MEI4: variants seen among roughly 807,000 people sequenced by gnomAD.
The protein encoded by MEI4 is meiosis-specific protein MEI4.
Under a neutral mutation model 31.4 loss-of-function variants are expected in MEI4, and 27 were observed. The ratio of observed to expected loss-of-function variants is 0.86; its 90% CI spans 0.63 to 1.19. MEI4 has a LOEUF of 1.19. Among genes scored for constraint, MEI4 ranks in the 50% most tolerant of loss-of-function variants. The pLI is 0.00. For synonymous variants in MEI4, 122 were observed against 145.4 expected (o/e 0.84, Z 1.16); for missense variants, 329 against 398.9 (o/e 0.82, Z 1.49).
At chr6:77,918,495 G>T (rs1323634512) in intron 4 of MEI4, among the ~76,000 whole-genome samples, 3 of 136,738 alleles carry the variant, frequency 2.2e-5, no homozygotes, top group Non-Finnish European at 3.1e-5. Context: ...TCCCTTGTAA[G>T]TTGGATTCCT....
chr6:77,764,544 G>A (rs1274157318), intron 3 of MEI4, among the ~76,000 whole-genome samples: 1 of 151,934 alleles, frequency 6.6e-6, no homozygotes, highest in East Asian at 1.9e-4. Flanking sequence ...ATAATGGATG[G>A]AACATCCAGA....
intron 1 of MEI4, among the ~76,000 whole-genome samples, chr6:77,684,809 C>G (rs933962439): frequency 6.6e-6 from 1 of 152,102 alleles, no homozygotes. Flanking sequence ...AGTGCTACAA[C>G]ACGTACAGTG....
chr6:77,686,875 C>CTTTTTTTTTT (rs70974681), intron 1 of MEI4, among the ~76,000 whole-genome samples: 3 of 132,474 alleles, frequency 2.3e-5, no homozygotes, highest in Admixed American at 7.9e-5. Flanking sequence ...GTCTGTGGCT[C>CTTTTTTTTTT]TTTTTTTTTG....
chr6:77,881,472 G>A (rs1554171753), intron 4 of MEI4, among the ~76,000 whole-genome samples: 1 of 152,146 alleles, frequency 6.6e-6, no homozygotes, highest in Non-Finnish European at 1.5e-5. Context: ...CTCATTCTAT[G>A]TTTTGAATAA....
chr6:77,910,639 T>G (rs1301840705), intron 4 of MEI4, among the ~76,000 whole-genome samples: 1 of 152,036 alleles, frequency 6.6e-6, no homozygotes, highest in African/African-American at 2.4e-5. Flanking sequence ...CCAAAGTAAT[T>G]TATAGATTCA....
At chr6:77,676,130 A>G (rs912304610) in intron 1 of MEI4, among the ~76,000 whole-genome samples, 1 of 152,114 alleles carries the variant, frequency 6.6e-6, no homozygotes, top group Non-Finnish European at 1.5e-5. Flanking sequence ...AACCATTTAC[A>G]TGGAAGTACA....
rs551799668 is a variant in MEI4 at position 77,770,494 on chromosome 6, C to CAA, written c.768+8838_768+8839dup. 1.4e-3 allele frequency among the ~76,000 whole-genome samples: 212 copies of CAA among 148,218 alleles called. 1 individual carries two copies. The highest frequency in any genetic ancestry group is 4.6e-3 in the African/African-American group (186 of 40,546). ...GTCAAAATACCAATCTTATTCTTCA[C>CAA]AAAAAAAAAATTAAAAATTACACAG... On this transcript the variant is annotated intron_variant, in intron 3 of 4. Transcript: ENST00000684080.
chr6:77,889,992 T>C (rs1370438510), intron 4 of MEI4, among the ~76,000 whole-genome samples: 1 of 152,182 alleles, frequency 6.6e-6, no homozygotes, highest in African/African-American at 2.4e-5. Context: ...TGTATGGAAA[T>C]GCTTGGATGT....
chr6:77,678,186 A>G (rs1768879721), intron 1 of MEI4, among the ~76,000 whole-genome samples: 1 of 152,220 alleles, frequency 6.6e-6, no homozygotes, highest in Non-Finnish European at 1.5e-5. Flanking sequence ...AGATAGCATG[A>G]CAAAAAAGAC....
chr6:77,887,541 C>G (rs1325117336), intron 4 of MEI4, among the ~76,000 whole-genome samples: 11 of 152,058 alleles, frequency 7.2e-5, no homozygotes, highest in African/African-American at 2.7e-4. Flanking sequence ...AGATGATCCA[C>G]CCCCCTCAGC....
rs1254367062 is a variant in MEI4, at chr6:77,717,021, CACAGAG to C, written c.232+26122_232+26127del. ...ACGAGAGATTTGGAAAAGAAAAAGACACAGAGACAAAGTATAGAGAAAGAAATAAGG... is the reference window on the plus strand; with the variant it reads ...ACGAGAGATTTGGAAAAGAAAAAGACACAAAGTATAGAGAAAGAAATAAGG... On this transcript the variant is annotated intron_variant, in intron 2 of 4. Transcript: ENST00000684080. 4.7e-5 allele frequency among the ~76,000 whole-genome samples: 7 copies of C among 149,628 alleles called. No individual in the cohort carries two copies. The East Asian group carries it at 1.0e-3, about 21-fold the overall frequency.
Position 77,918,805 on chromosome 6 carries a change from G to A in MEI4, c.901-4284G>A, listed in dbSNP as rs540051232. On this transcript the variant is annotated intron_variant, in intron 4 of 4. Transcript: ENST00000684080. ...CCCTGGCCAGAACTTCCAATACTAT[G>A]TTGAATAGGAGTGGTGAGAGAGGGC... Among the ~76,000 whole-genome samples, 3 of 152,038 alleles carry A rather than the reference G, an allele frequency of 2.0e-5. No homozygotes were observed. The South Asian group carries it at 6.2e-4, about 32-fold the overall frequency.
chr6:77,855,846 C>T (rs1306247155), intron 4 of MEI4, among the ~76,000 whole-genome samples: 1 of 152,082 alleles, frequency 6.6e-6, no homozygotes, highest in Non-Finnish European at 1.5e-5. Context: ...GAATAGTACT[C>T]TATTAGAATA....
chr6:77,899,998 A>G (rs1766156782), intron 4 of MEI4, among the ~76,000 whole-genome samples: 1 of 151,928 alleles, frequency 6.6e-6, no homozygotes, highest in African/African-American at 2.4e-5. Context: ...AGACCTCAAA[A>G]TACAGGCAAT....
chr6:77,737,575 A>G lies in MEI4; in HGVS notation c.233-23555A>G, dbSNP rs546425667. ...GAATTACGACTGGATGATATGATAG[A>G]AATTAGGAGATCATGGAGACCTTTC... On this transcript the variant is annotated intron_variant, in intron 2 of 4. Coordinates refer to ENST00000684080, the MANE Select transcript of MEI4 (RefSeq NM_001322247.2). Among the ~76,000 whole-genome samples the G allele has an allele frequency of 1.3e-4, 20 of 152,298 alleles. No individual in the cohort carries two copies. The South Asian group carries it at 4.1e-3, about 32-fold the overall frequency.
chr6:77,703,531 A>T (rs1439527260), intron 2 of MEI4, among the ~76,000 whole-genome samples: 1 of 152,178 alleles, frequency 6.6e-6, no homozygotes, highest in Non-Finnish European at 1.5e-5. Flanking sequence ...AACAAATTGC[A>T]ATCATCTTTA....
chr6:77,736,496 C>A (rs533021704), intron 2 of MEI4, among the ~76,000 whole-genome samples: 14 of 152,110 alleles, frequency 9.2e-5, no homozygotes, highest in Admixed American at 5.2e-4. Context: ...CTTCGGCTTG[C>A]GAACGGTGCG....
chr6:77,687,223 A>G (rs1769074454), intron 1 of MEI4, among the ~76,000 whole-genome samples: 1 of 152,140 alleles, frequency 6.6e-6, no homozygotes, highest in Admixed American at 6.6e-5. Context: ...GTGTTCTAAA[A>G]AGACTGATTT....
At chr6:77,781,457 G>T (rs1329579681) in intron 3 of MEI4, among the ~76,000 whole-genome samples, 1 of 152,056 alleles carries the variant, frequency 6.6e-6, no homozygotes, top group Non-Finnish European at 1.5e-5. Flanking sequence ...AACCATGTTG[G>T]TATTACCTGG....
Sources: gnomAD v4.1 joint callset for allele counts (sites outside exome capture counted in the v4.1 genomes callset) on GRCh38, gnomAD v4.1.1 for gene constraint, MANE v1.5 for transcripts, NCBI Gene and HGNC (gene_info 2026-07-23, HGNC 2026-07-21) for gene names.